The following TLL1 variants were observed in gnomAD, a reference collection of about 807,000 sequenced individuals.
TLL1 encodes tolloid like 1.
TLL1 carries 49 observed loss-of-function variants against 128.2 expected under a neutral mutation model. That is an observed-to-expected ratio of 0.38 (90% CI 0.30 to 0.48). The LOEUF (loss-of-function observed/expected upper bound fraction) is 0.48, where lower values mean the gene tolerates loss of function less well. Among genes scored for constraint, TLL1 ranks in the 20% least tolerant of loss-of-function variants. The probability of loss-of-function intolerance (pLI) is 0.96; values close to 1 mark genes in which losing one functional copy is unlikely to be tolerated. For synonymous variants in TLL1, 454 were observed against 418.8 expected (o/e 1.08, Z -1.03); for missense variants, 1,123 against 1,242.0 (o/e 0.90, Z 1.44).
At chr4:165,976,354 C>T (rs17047162) in intron 1 of TLL1, among the ~76,000 whole-genome samples, 11,099 of 152,180 alleles carry the variant, frequency 0.073, 1,319 homozygotes, top group African/African-American at 0.25. Context: ...GAAATACAGT[C>T]TGAAAGTTTA....
chr4:166,065,690 A>G lies in TLL1; in HGVS notation c.2015A>G (p.Lys672Arg). ...AACCACATTTTTTTCTAGGTTTGCA[A>G]ATATGATTATGTGGAGATCTGGAGT... is the stretch of plus-strand genomic sequence containing the variant. ...FFELEGNEVCKYDYVEIWSGL... is the reference protein window; with the variant it reads ...FFELEGNEVCRYDYVEIWSGL... Residue 672 changes from lysine to arginine, a missense_variant, in exon 16 of 21, where the codon AAA (lysine) becomes AGA (arginine). This residue lies in a region of TLL1 where 634 missense variants were observed against 672.4 expected (regional missense o/e 0.94). Transcript: ENST00000061240. 1 of 1,612,896 alleles carries G rather than the reference A, an allele frequency of 6.2e-7. No homozygotes were observed. The highest frequency in any genetic ancestry group is 8.5e-7 in the Non-Finnish European group (1 of 1,179,196).
chr4:165,905,834 A>G (rs1441973452), intron 1 of TLL1, among the ~76,000 whole-genome samples: 2 of 152,188 alleles, frequency 1.3e-5, no homozygotes, highest in Non-Finnish European at 2.9e-5. Context: ...TTCCTAATCT[A>G]TTTTTGAAAA....
intron 5 of TLL1, among the ~76,000 whole-genome samples, chr4:165,997,396 C>T (rs573788724): frequency 6.6e-6 from 1 of 152,184 alleles, no homozygotes; most frequent in East Asian, 1.9e-4. Context: ...TCATTGAGAA[C>T]CTGCAAGGTA....
At chr4:166,019,773 A>T (rs1469747647) in intron 8 of TLL1, among the ~76,000 whole-genome samples, 1 of 152,126 alleles carries the variant, frequency 6.6e-6, no homozygotes, top group African/African-American at 2.4e-5. Context: ...ATACATTTTA[A>T]TTTTCCTTAA....
intron 1 of TLL1, among the ~76,000 whole-genome samples, chr4:165,903,733 T>TCACA (rs5863787): frequency 0.2 from 29,615 of 144,640 alleles, 3,848 homozygotes; most frequent in East Asian, 0.53. Flanking sequence ...TAAGTTCTTA[T>TCACA]CACACACACA....
At chr4:165,906,747 CT>C (rs1732274957) in intron 1 of TLL1, among the ~76,000 whole-genome samples, 4 of 149,598 alleles carry the variant, frequency 2.7e-5, no homozygotes. Flanking sequence ...TAAATTGTCT[CT>C]TTGAATTAGG....
chr4:166,084,964 T>C (rs1741442057), intron 18 of TLL1, among the ~76,000 whole-genome samples: 1 of 152,052 alleles, frequency 6.6e-6, no homozygotes, highest in Non-Finnish European at 1.5e-5. Flanking sequence ...CTTTCATCAA[T>C]GTTTTATAGT....
At chr4:165,928,796 C>T (rs1468794507) in intron 1 of TLL1, among the ~76,000 whole-genome samples, 1 of 152,182 alleles carries the variant, frequency 6.6e-6, no homozygotes, top group Non-Finnish European at 1.5e-5. Flanking sequence ...GGACTTCATT[C>T]TCCTACTTTG....
At chr4:166,051,814 T>G (rs2111106314) in intron 12 of TLL1, among the ~76,000 whole-genome samples, 1 of 152,324 alleles carries the variant, frequency 6.6e-6, no homozygotes, top group Non-Finnish European at 1.5e-5. Flanking sequence ...CAACTCAAAA[T>G]CTGTGGCATT....
intron 1 of TLL1, among the ~76,000 whole-genome samples, chr4:165,963,507 G>T (rs1735220034): frequency 6.6e-6 from 1 of 152,038 alleles, no homozygotes; most frequent in Non-Finnish European, 1.5e-5. Context: ...TCAGGTAAGT[G>T]GGGGAGATTA....
At chr4:166,036,801 G>GTGTA (rs1739024012) in intron 9 of TLL1, among the ~76,000 whole-genome samples, 1 of 150,960 alleles carries the variant, frequency 6.6e-6, no homozygotes, top group African/African-American at 2.5e-5. Flanking sequence ...GTGTGTGTGT[G>GTGTA]TGTGTGTGTG....
Position 166,055,096 on chromosome 4 carries a change from T to C in TLL1, c.1545T>C (p.Cys515=). The part of the protein sequence containing the change: ...QSFEIERHDN[C]AYDYLEVRDG... ...TGCAGATTGAAAGACATGACAATTG[T>C]GCTTATGACTACCTGGAAGTTAGAG... Residue 515 remains cysteine, a synonymous_variant, in exon 13 of 21, where the codon TGT becomes TGC. Transcript: ENST00000061240. 1.2e-6 allele frequency: 2 copies of C among 1,611,724 alleles called. No individual in the cohort carries two copies. The highest frequency in any genetic ancestry group is 1.7e-6 in the Non-Finnish European group (2 of 1,179,260).
chr4:165,907,190 A>G (rs573572867), intron 1 of TLL1, among the ~76,000 whole-genome samples: 2 of 152,338 alleles, frequency 1.3e-5, no homozygotes, highest in African/African-American at 4.8e-5. Context: ...TAGCATGAAC[A>G]AATATTTAAG....
chr4:166,037,237 A>G (rs1739046741), intron 9 of TLL1, among the ~76,000 whole-genome samples: 1 of 152,250 alleles, frequency 6.6e-6, no homozygotes, highest in Admixed American at 6.5e-5. Flanking sequence ...ATTATTTCCT[A>G]GTTATATCCT....
At chr4:166,049,263 C>T (rs896585902) in intron 12 of TLL1, among the ~76,000 whole-genome samples, 1 of 152,118 alleles carries the variant, frequency 6.6e-6, no homozygotes, top group Non-Finnish European at 1.5e-5. Context: ...GAAACCAAGC[C>T]CTGGCTCTGT....
At chr4:166,077,841 G>A (rs912715459) in intron 17 of TLL1, 62 bp from the exon 18 acceptor site, 1 of 1,608,814 alleles carries the variant, frequency 6.2e-7, no homozygotes, top group Admixed American at 1.7e-5. Context: ...TAGGCTGCTT[G>A]CTTTCTGCCT....
chr4:166,044,964 G>A lies in TLL1; in HGVS notation c.1524+1545G>A, dbSNP rs374228011. Reference sequence around the variant, plus strand: ...TATTTTTTTATTTATCAATGCAATAGCAGTGACAGTCTTCAAAAATAAGAT... The same window carrying A: ...TATTTTTTTATTTATCAATGCAATAACAGTGACAGTCTTCAAAAATAAGAT... On this transcript the variant is annotated intron_variant, in intron 12 of 20. Coordinates refer to ENST00000061240, the MANE Select transcript of TLL1 (RefSeq NM_012464.5). Among the ~76,000 whole-genome samples, 126 of 152,198 alleles carry A rather than the reference G, an allele frequency of 8.3e-4. 1 individual carries two copies. The highest frequency in any genetic ancestry group is 2.1e-3 in the Admixed American group (32 of 15,288).
intron 1 of TLL1, among the ~76,000 whole-genome samples, chr4:165,919,164 T>C (rs11940478): frequency 0.13 from 19,266 of 151,916 alleles, 1,338 homozygotes; most frequent in East Asian, 0.17. Context: ...GGAGGATCAC[T>C]GGAGCCCAGG....
intron 1 of TLL1, among the ~76,000 whole-genome samples, chr4:165,945,562 G>A (rs1734207717): frequency 6.6e-6 from 1 of 151,994 alleles, no homozygotes; most frequent in South Asian, 2.1e-4. Context: ...AATTTGAAAT[G>A]ATAAAGTTAT....
Sources: allele counts gnomAD v4.1 joint callset (sites outside exome capture counted in the v4.1 genomes callset), GRCh38; gene constraint gnomAD v4.1.1; regional missense constraint gnomAD v4.1.1; transcripts MANE v1.5; gene names NCBI Gene and HGNC (gene_info 2026-07-23, HGNC 2026-07-21).